Variants in TMEM225 observed in about 807,000 individuals in gnomAD.
TMEM225 encodes PMP22 claudin domain-containing protein.
TMEM225 carries 10 observed loss-of-function variants against 17.6 expected under a neutral mutation model. That is an observed-to-expected ratio of 0.57 (90% CI 0.35 to 0.96). TMEM225 has a LOEUF of 0.96. TMEM225 is among the 40% of genes least tolerant of loss of function. TMEM225 has a pLI of 0.02. For synonymous variants in TMEM225, 101 were observed against 94.5 expected (o/e 1.07, Z -0.40); for missense variants, 245 against 271.5 (o/e 0.90, Z 0.69).
chr11:123,884,619 T>C lies in TMEM225; in HGVS notation c.199A>G (p.Arg67Gly). ...LWPEDDLKVV[R>G]IMMTSSLGLS... is the part of the protein sequence containing the mutation. ...CCAAGGCTCGACGTCATCATAATCC[T>C]GACCACTTTCAGGTCATCTGTTGGA... Residue 67 changes from arginine (R) to glycine (G), a missense_variant, in exon 2 of 4, where the codon AGG (arginine) becomes GGG (glycine). By Grantham distance (125) the Arg-to-Gly change is moderately radical. Coordinates refer to ENST00000375026, the MANE Select transcript of TMEM225 (RefSeq NM_001013743.3). 1 of 1,611,802 alleles carries C rather than the reference T, an allele frequency of 6.2e-7. No homozygotes were observed. The highest frequency in any genetic ancestry group is 2.2e-5 in the East Asian group (1 of 44,774).
In TMEM225 at chr11:123,885,510, T is replaced by G; in HGVS notation, c.-85A>C. The G allele has an allele frequency of 1.5e-6, 2 of 1,333,096 alleles. No homozygotes were observed. The highest frequency in any genetic ancestry group is 2.1e-6 in the Non-Finnish European group (2 of 963,518). 82.6% of individuals were successfully genotyped at this position (1,333,096 alleles called of 1,614,324 possible). On this transcript the variant is annotated 5_prime_UTR_variant, in exon 1 of 4. Transcript: ENST00000375026. ...TTGATTAGTTACAAGAAGGGTGATA[T>G]CTGAACTTTCAGTGGTTGCTGAGGC...
intron 1 of TMEM225, 90 bp from the exon 2 acceptor site, chr11:123,884,726 G>A: frequency 1.6e-6 from 2 of 1,241,016 alleles, no homozygotes; most frequent in Non-Finnish European, 1.1e-6. Flanking sequence ...GGTGAAAATT[G>A]GAATAGGGTG....
rs1454974975 is a variant in TMEM225, at chr11:123,884,056, G to T, written c.463+19C>A. On this transcript the variant is annotated intron_variant, in intron 3 of 3. Transcript: ENST00000375026. The stretch of plus-strand genomic sequence containing the variant: ...TGGATTGGTTCTTAACACCCTTCAG[G>T]GGCCCTGGAGACACTCACCACAGAC... The T allele has an allele frequency of 1.9e-6, 3 of 1,589,846 alleles. No individual in the cohort carries two copies. Among genetic ancestry groups the T allele is most frequent in the Non-Finnish European group, 2.6e-6 (3 of 1,170,156 alleles).
At position 123,885,352 on chromosome 11, in the gene TMEM225, A is replaced by G. The variant is rs1863027534; in HGVS notation, c.74T>C (p.Val25Ala). 6 of 1,613,582 alleles carry G rather than the reference A, an allele frequency of 3.7e-6. No homozygotes were observed. Among genetic ancestry groups the G allele is most frequent in the African/African-American group, 1.3e-5 (1 of 74,996 alleles). The change falls in exon 1 of 4, where the codon GTG (valine) becomes GCG (alanine). Residue 25 changes from valine (V) to alanine (A), a missense_variant. By Grantham distance (64) the Val-to-Ala change is moderately conservative (BLOSUM62 0). Coordinates refer to ENST00000375026, the MANE Select transcript of TMEM225 (RefSeq NM_001013743.3). ...CCATTTATCTAAGGTGATTCCCATC[A>G]CCATTAAGACTACGGCCCAGGAGGA... Reference protein sequence around the residue: ...LFSSWAVVLMVMGITLDKWVE... With the variant: ...LFSSWAVVLMAMGITLDKWVE...
Position 123,885,383 on chromosome 11 carries a change from G to A in TMEM225, c.43C>T (p.Leu15Phe), listed in dbSNP as rs750947267. The A allele has an allele frequency of 1.9e-6, 3 of 1,613,304 alleles. No homozygotes were observed. Among genetic ancestry groups the A allele is most frequent in the Non-Finnish European group, 2.5e-6 (3 of 1,179,596 alleles). ...AAGACTACGGCCCAGGAGGAGAAAA[G>A]TATGTTCATACCCTGGATACTTCTA... is the stretch of plus-strand genomic sequence containing the variant. ...SNRSIQGMNI[L>F]FSSWAVVLMV... The change falls in exon 1 of 4, where the codon CTT becomes TTT. Residue 15 changes from leucine (L) to phenylalanine (F), a missense_variant. Coordinates refer to ENST00000375026, the MANE Select transcript of TMEM225 (RefSeq NM_001013743.3).
chr11:123,883,344 A>G lies in TMEM225; in HGVS notation c.472T>C (p.Ser158Pro). ...VFFLSVCGVLSLLECKLSTSS... is the reference protein window; with the variant it reads ...VFFLSVCGVLPLLECKLSTSS... ...GTAGACAACTTGCACTCTAGGAGAG[A>G]GAGGACTCCTAGGGAAAAGAGATTC... Residue 158 changes from serine (S) to proline (P), a missense_variant, in exon 4 of 4, where the codon TCT (serine) becomes CCT (proline). Coordinates refer to ENST00000375026, the MANE Select transcript of TMEM225 (RefSeq NM_001013743.3). 6.2e-7 allele frequency: 1 copy of G among 1,608,270 alleles called. No homozygotes were observed. The highest frequency in any genetic ancestry group is 8.5e-7 in the Non-Finnish European group (1 of 1,175,170).
Position 123,885,452 on chromosome 11 carries a change from C to T in TMEM225, c.-27G>A, listed in dbSNP as rs1198640887. 6.3e-7 allele frequency: 1 copy of T among 1,595,510 alleles called. No homozygotes were observed. The highest frequency in any genetic ancestry group is 1.3e-5 in the African/African-American group (1 of 74,618). On this transcript the variant is annotated 5_prime_UTR_variant, in exon 1 of 4. Coordinates refer to ENST00000375026, the MANE Select transcript of TMEM225 (RefSeq NM_001013743.3). ...GTGAGTGAAAATTTCTAGCTGGAAC[C>T]ACCACCACTATTTTGTAGATCTCTT...
chr11:123,883,192 A>G lies in TMEM225; in HGVS notation c.624T>C (p.Thr208=), dbSNP rs1862985442. ...AMPRSIVRAH[T]VNSLNKKVQT... ...GGACTTTTTTGTTTAGGGAATTCAC[A>G]GTGTGTGCACGGACAATGCTACGAG... Residue 208 remains threonine, a synonymous_variant, in exon 4 of 4, where the codon ACT becomes ACC. Coordinates refer to ENST00000375026, the MANE Select transcript of TMEM225 (RefSeq NM_001013743.3). 15 of 1,613,556 alleles carry G rather than the reference A, an allele frequency of 9.3e-6. No homozygotes were observed. Among genetic ancestry groups the G allele is most frequent in the Non-Finnish European group, 1.2e-5 (14 of 1,179,596 alleles).
At chr11:123,884,410 T>C in intron 2 of TMEM225, 80 bp downstream of exon 2, 1 of 1,352,736 alleles carries the variant, frequency 7.4e-7, no homozygotes, top group Non-Finnish European at 1.0e-6. Flanking sequence ...TATATATATA[T>C]ATAGTTTTCA....
At position 123,885,408 on chromosome 11, in the gene TMEM225, A is replaced by G. The variant is rs1465187109; in HGVS notation, c.18T>C (p.Asn6=). 9 of 1,612,326 alleles carry G rather than the reference A, an allele frequency of 5.6e-6. No homozygotes were observed. Among genetic ancestry groups the G allele is most frequent in the South Asian group, 2.2e-5 (2 of 90,824 alleles). The change falls in exon 1 of 4, where the codon AAT becomes AAC. Residue 6 remains asparagine, a synonymous_variant. Transcript: ENST00000375026. MVHVS[N]RSIQGMNILF... ...GTATGTTCATACCCTGGATACTTCT[A>G]TTTGAAACATGCACCATTGTGAGTG... is the stretch of plus-strand genomic sequence containing the variant.
Position 123,885,604 on chromosome 11 carries a change from T to C in TMEM225, c.-179A>G. 1 of 609,518 alleles carries C rather than the reference T, an allele frequency of 1.6e-6. No homozygotes were observed. The highest frequency in any genetic ancestry group is 2.8e-6 in the Non-Finnish European group (1 of 353,102). 37.8% of individuals were successfully genotyped at this position (609,518 alleles called of 1,614,324 possible). ...ATAGATAACTCTCACCCTTCCTCAC[T>C]TCCGTTATCTATCAGGGCCAGCCTG... is the stretch of plus-strand genomic sequence containing the variant. On this transcript the variant is annotated 5_prime_UTR_variant, in exon 1 of 4. Transcript: ENST00000375026.
intron 3 of TMEM225, 60 bp from the exon 4 acceptor site, chr11:123,883,412 C>A: frequency 7.4e-7 from 1 of 1,358,528 alleles, no homozygotes; most frequent in Non-Finnish European, 1.0e-6. Flanking sequence ...AGAAACAATT[C>A]TCTCCAATTT....
chr11:123,883,154 A>G lies in TMEM225; in HGVS notation c.662T>C (p.Val221Ala). The G allele has an allele frequency of 6.2e-7, 1 of 1,613,346 alleles. No individual in the cohort carries two copies. The highest frequency in any genetic ancestry group is 8.5e-7 in the Non-Finnish European group (1 of 1,179,458). ...SLNKKVQTRH[V>A]TWAL ...ATTGCCAAATCACAGAGCCCAGGTT[A>G]CGTGACGTGTTTGGACTTTTTTGTT... Residue 221 changes from valine (V) to alanine (A), a missense_variant, in exon 4 of 4, where the codon GTA (valine) becomes GCA (alanine). Val to Ala is a moderately conservative substitution (Grantham distance 64, BLOSUM62 0). Coordinates refer to ENST00000375026, the MANE Select transcript of TMEM225 (RefSeq NM_001013743.3).
chr11:123,884,194 C>G lies in TMEM225; in HGVS notation c.344G>C (p.Trp115Ser). The G allele has an allele frequency of 6.3e-7, 1 of 1,575,028 alleles. No individual in the cohort carries two copies. The highest frequency in any genetic ancestry group is 8.6e-7 in the Non-Finnish European group (1 of 1,165,748). ...CTTATTGTGATATAGTATGAGTGCC[C>G]AGAGCAGAGAGATACCTGATGTCCA... ...LSFFSGISLL[W>S]ALILYHNKLK... The change falls in exon 3 of 4, where the codon TGG becomes TCG. Residue 115 changes from tryptophan to serine, a missense_variant. By Grantham distance (177) the Trp-to-Ser change is radical. Transcript: ENST00000375026.
chr11:123,884,709 G>A (rs900699333), intron 1 of TMEM225, 73 bp from the exon 2 acceptor site: 3 of 1,438,404 alleles, frequency 2.1e-6, no homozygotes, highest in Non-Finnish European at 2.8e-6. Flanking sequence ...GGGTCCAGAA[G>A]TCTCTAGGTG....
chr11:123,884,390 A>G, intron 2 of TMEM225, 100 bp downstream of exon 2: 1 of 1,314,846 alleles, frequency 7.6e-7, no homozygotes, highest in Non-Finnish European at 1.0e-6. Flanking sequence ...GATCTAACTC[A>G]GAAGCTACAT....
At chr11:123,883,747 C>A (rs1862997454) in intron 3 of TMEM225, among the ~76,000 whole-genome samples, 1 of 152,126 alleles carries the variant, frequency 6.6e-6, no homozygotes. Flanking sequence ...CTGTTCCTCT[C>A]CACAGAGGCT....
rs1040262104 is a variant in TMEM225, at chr11:123,884,473, G to A, written c.328+17C>T. 5.6e-6 allele frequency: 9 copies of A among 1,602,838 alleles called. No individual in the cohort carries two copies. Among genetic ancestry groups the A allele is most frequent in the Admixed American group, 1.7e-5 (1 of 58,828 alleles). On this transcript the variant is annotated intron_variant, in intron 2 of 3. Transcript: ENST00000375026. ...AAGTACACCTACAAGCTTGTGTTAG[G>A]GGAGCCAGGAAGTTACCTGAGAAGA... is the stretch of plus-strand genomic sequence containing the variant.
chr11:123,885,149 A>G, intron 1 of TMEM225, 96 bp downstream of exon 1: 1 of 1,109,404 alleles, frequency 9.0e-7, no homozygotes. Context: ...CCAGAAAATA[A>G]TGGGTACACT....
Sources: allele counts gnomAD v4.1 joint callset (sites outside exome capture counted in the v4.1 genomes callset), GRCh38; gene constraint gnomAD v4.1.1; transcripts MANE v1.5; gene names NCBI Gene and HGNC (gene_info 2026-07-23, HGNC 2026-07-21).